Variants in MACROD2 observed in about 807,000 individuals in gnomAD.
The protein encoded by MACROD2 is mono-ADP ribosylhydrolase 2, also known as ADP-ribose glycohydrolase MACROD2.
MACROD2 carries 36 observed loss-of-function variants against 70.4 expected under a neutral mutation model. The observed-to-expected ratio is 0.51, with a 90% CI of 0.39 to 0.68. The LOEUF (loss-of-function observed/expected upper bound fraction) is 0.68, where lower values mean the gene tolerates loss of function less well. MACROD2 is among the 30% of genes least tolerant of loss of function. MACROD2 has a pLI of 0.00. For synonymous variants in MACROD2, 172 were observed against 178.8 expected, an observed-to-expected ratio of 0.96 and a Z score of 0.30; for missense variants, 496 against 538.4, an observed-to-expected ratio of 0.92 and a Z score of 0.78.
At chr20:15,591,605 A>G (rs1431752199) in intron 8 of MACROD2, among the ~76,000 whole-genome samples, 3 of 151,512 alleles carry the variant, frequency 2.0e-5, no homozygotes, top group Non-Finnish European at 4.4e-5. Flanking sequence ...AAAAAAAAAA[A>G]AAAAAAAAAA....
intron 8 of MACROD2, among the ~76,000 whole-genome samples, chr20:15,524,846 A>G (rs1458189119): frequency 6.6e-6 from 1 of 152,240 alleles, no homozygotes; most frequent in African/African-American, 2.4e-5. Flanking sequence ...CAAGGACTCA[A>G]TAGTCACATG....
intron 3 of MACROD2, among the ~76,000 whole-genome samples, chr20:14,158,277 TTG>T (rs1352295577): frequency 1.3e-5 from 2 of 152,206 alleles, no homozygotes; most frequent in Non-Finnish European, 2.9e-5. Flanking sequence ...ATGGGATTAT[TTG>T]TGTTTCTCAA....
intron 9 of MACROD2, among the ~76,000 whole-genome samples, chr20:15,872,420 T>C (rs1163332373): frequency 6.6e-6 from 1 of 152,142 alleles, no homozygotes; most frequent in East Asian, 1.9e-4. Context: ...GACAAAAGCA[T>C]CTATGGTAAA....
In MACROD2 at chr20:15,919,412, T is replaced by G. The variant is rs116777533; in HGVS notation, c.776-13864T>G. On this transcript the variant is annotated intron_variant, in intron 10 of 17. Coordinates refer to ENST00000684519, the MANE Select transcript of MACROD2 (RefSeq NM_001351661.2). ...CCTAGAAAATTTTTTTCCTAGTCCTTGAGTTGGTTGGCTAATTGTTTCAGG... is the reference window on the plus strand; with the variant it reads ...CCTAGAAAATTTTTTTCCTAGTCCTGGAGTTGGTTGGCTAATTGTTTCAGG... Among the ~76,000 whole-genome samples, 1,022 of 152,236 alleles carry G rather than the reference T, an allele frequency of 6.7e-3. 13 individuals carry two copies. The highest frequency in any genetic ancestry group is 0.023 in the African/African-American group (967 of 41,552).
intron 5 of MACROD2, among the ~76,000 whole-genome samples, chr20:14,753,822 C>T (rs1048078075): frequency 6.6e-6 from 1 of 152,006 alleles, no homozygotes; most frequent in East Asian, 1.9e-4. Context: ...AAGTCACATT[C>T]GTTAGTGTTG....
intron 6 of MACROD2, among the ~76,000 whole-genome samples, chr20:15,319,390 G>A (rs1302922719): frequency 1.3e-5 from 2 of 152,162 alleles, no homozygotes; most frequent in Non-Finnish European, 2.9e-5. Context: ...CCAATGCTAT[G>A]TATAGATTCT....
At chr20:16,041,120 A>T (rs1181051642) in intron 15 of MACROD2, 81 bp from the exon 16 acceptor site, 1 of 1,191,896 alleles carries the variant, frequency 8.4e-7, no homozygotes, top group Non-Finnish European at 1.2e-6. Flanking sequence ...TAAAAGGGCA[A>T]TGGAGGGTGA....
intron 6 of MACROD2, among the ~76,000 whole-genome samples, chr20:15,365,350 A>C (rs2045393533): frequency 6.6e-6 from 1 of 152,092 alleles, no homozygotes; most frequent in South Asian, 2.1e-4. Flanking sequence ...CAAACTTCAA[A>C]ATCCTAAGCC....
intron 8 of MACROD2, among the ~76,000 whole-genome samples, chr20:15,794,472 G>A (rs905425867): frequency 2.6e-5 from 4 of 152,124 alleles, no homozygotes; most frequent in South Asian, 2.1e-4. Flanking sequence ...AGACCGTGTC[G>A]GCAGCAAAGC....
At chr20:14,248,900 A>T (rs2081988183) in intron 3 of MACROD2, among the ~76,000 whole-genome samples, 1 of 152,128 alleles carries the variant, frequency 6.6e-6, no homozygotes, top group African/African-American at 2.4e-5. Flanking sequence ...ATTTTTAAAA[A>T]TACATTGTCT....
intron 8 of MACROD2, among the ~76,000 whole-genome samples, chr20:15,734,120 G>A (rs1202488153): frequency 6.6e-6 from 1 of 152,166 alleles, no homozygotes; most frequent in Non-Finnish European, 1.5e-5. Flanking sequence ...TGTTTTGAAG[G>A]AGGAATAGGA....
intron 5 of MACROD2, among the ~76,000 whole-genome samples, chr20:14,689,054 C>T (rs901000165): frequency 4.6e-5 from 7 of 152,168 alleles, no homozygotes; most frequent in African/African-American, 1.4e-4. Flanking sequence ...TACATCATCT[C>T]CTTCTGTGCT....
At chr20:15,550,534 T>G (rs6043357) in intron 8 of MACROD2, among the ~76,000 whole-genome samples, 3,710 of 152,196 alleles carry the variant, frequency 0.024, 161 homozygotes, top group African/African-American at 0.085. Flanking sequence ...CTCCATATTT[T>G]TTATTGTATC....
intron 8 of MACROD2, among the ~76,000 whole-genome samples, chr20:15,805,562 C>T (rs1460535754): frequency 3.9e-5 from 6 of 151,932 alleles, no homozygotes; most frequent in Non-Finnish European, 5.9e-5. Context: ...CCACAACCTC[C>T]GCCTCCTGGG....
chr20:14,843,744 A>G (rs1244237125), intron 5 of MACROD2, among the ~76,000 whole-genome samples: 1 of 152,076 alleles, frequency 6.6e-6, no homozygotes, highest in African/African-American at 2.4e-5. Context: ...TTTATTTCTT[A>G]CATTTGGCCC....
At chr20:14,672,355 A>G (rs1190274676) in intron 4 of MACROD2, among the ~76,000 whole-genome samples, 1 of 152,202 alleles carries the variant, frequency 6.6e-6, no homozygotes, top group Non-Finnish European at 1.5e-5. Context: ...TAAGAGAGTG[A>G]GCAGAAATGT....
chr20:15,297,165 T>A (rs149030517), intron 6 of MACROD2, among the ~76,000 whole-genome samples: 94 of 152,330 alleles, frequency 6.2e-4, no homozygotes, highest in East Asian at 6.0e-3. Context: ...TTGCAGATTG[T>A]TCCTTTTTGC....
intron 4 of MACROD2, among the ~76,000 whole-genome samples, chr20:14,652,741 A>T (rs1365721043): frequency 6.6e-6 from 1 of 152,150 alleles, no homozygotes; most frequent in Non-Finnish European, 1.5e-5. Flanking sequence ...AGGAAAATAG[A>T]TCTTTTCTGT....
At chr20:14,710,192 C>CA (rs974199918) in intron 5 of MACROD2, among the ~76,000 whole-genome samples, 1 of 151,906 alleles carries the variant, frequency 6.6e-6, no homozygotes, top group African/African-American at 2.4e-5. Flanking sequence ...CTCGAGTGGC[C>CA]AAAGCAGAGA....
Sources: gnomAD v4.1 joint callset for allele counts (sites outside exome capture counted in the v4.1 genomes callset) on GRCh38, gnomAD v4.1.1 for gene constraint, MANE v1.5 for transcripts, NCBI Gene and HGNC (gene_info 2026-07-23, HGNC 2026-07-21) for gene names.